The following CSMD1 variants were observed in gnomAD, a reference collection of about 807,000 sequenced individuals.
CSMD1 encodes CUB and Sushi multiple domains 1.
In CSMD1, 213 loss-of-function variants were observed where a neutral mutation model predicts 417.5. That is an observed-to-expected ratio of 0.51 (90% CI 0.46 to 0.57). The LOEUF (loss-of-function observed/expected upper bound fraction) is 0.57. Among genes scored for constraint, CSMD1 ranks in the 20% least tolerant of loss-of-function variants. The pLI, the probability that CSMD1 is intolerant of heterozygous loss-of-function variation, is 0.00. For synonymous variants in CSMD1, 2,862 were observed against 1,736.8 expected (o/e 1.65, Z -16.11); for missense variants, 6,923 against 4,529.7 (o/e 1.53, Z -15.17).
chr8:3,320,084 G>T (rs1806054142), intron 23 of CSMD1, among the ~76,000 whole-genome samples: 1 of 152,164 alleles, frequency 6.6e-6, no homozygotes, highest in Non-Finnish European at 1.5e-5. Context: ...GCTGCCACCA[G>T]CGCACACAGA....
intron 44 of CSMD1, among the ~76,000 whole-genome samples, chr8:3,108,168 G>A (rs542654094): frequency 1.3e-5 from 2 of 152,272 alleles, no homozygotes; most frequent in Non-Finnish European, 2.9e-5. Flanking sequence ...AATTCTGTAG[G>A]TGGCAGTGTT....
chr8:4,452,585 G>A (rs1271615518), intron 2 of CSMD1, among the ~76,000 whole-genome samples: 1 of 152,110 alleles, frequency 6.6e-6, no homozygotes, highest in Non-Finnish European at 1.5e-5. Flanking sequence ...TTAAACATCA[G>A]AAAACCGGTA....
intron 3 of CSMD1, among the ~76,000 whole-genome samples, chr8:4,255,812 G>A (rs1218427074): frequency 3.3e-5 from 5 of 152,178 alleles, no homozygotes; most frequent in East Asian, 1.9e-4. Flanking sequence ...CTCCTCTGGG[G>A]CACTGGCTGG....
At chr8:4,580,846 T>C (rs368136421) in intron 2 of CSMD1, among the ~76,000 whole-genome samples, 1 of 152,364 alleles carries the variant, frequency 6.6e-6, no homozygotes, top group East Asian at 1.9e-4. Flanking sequence ...CGCTTCATAC[T>C]GGATTGTAAA....
intron 5 of CSMD1, among the ~76,000 whole-genome samples, chr8:3,920,015 C>T (rs1325322589): frequency 6.6e-6 from 1 of 151,624 alleles, no homozygotes; most frequent in African/African-American, 2.4e-5. Flanking sequence ...TTAGGATTTA[C>T]CAAATTTGTT....
At chr8:3,497,463 G>A (rs1448482808) in intron 10 of CSMD1, among the ~76,000 whole-genome samples, 1 of 152,102 alleles carries the variant, frequency 6.6e-6, no homozygotes, top group East Asian at 1.9e-4. Context: ...CTGGAGTGCA[G>A]TGGTGCAATC....
chr8:4,257,071 T>A (rs564922074), intron 3 of CSMD1, among the ~76,000 whole-genome samples: 1 of 152,160 alleles, frequency 6.6e-6, no homozygotes, highest in South Asian at 2.1e-4. Context: ...AAATTGACAG[T>A]CTCTTCTTAG....
At chr8:3,122,003 C>T (rs1049595359) in intron 41 of CSMD1, among the ~76,000 whole-genome samples, 6 of 151,920 alleles carry the variant, frequency 3.9e-5, no homozygotes, top group African/African-American at 9.7e-5. Flanking sequence ...AATGTAATTG[C>T]GGTTTTTGCC....
chr8:3,111,248 A>G (rs560376870), intron 42 of CSMD1, among the ~76,000 whole-genome samples: 9 of 152,222 alleles, frequency 5.9e-5, no homozygotes, highest in African/African-American at 1.2e-4. Context: ...ACAAATGAGA[A>G]TATACCATGA....
chr8:3,580,982 C>G (rs1800358191), intron 9 of CSMD1, among the ~76,000 whole-genome samples: 1 of 152,210 alleles, frequency 6.6e-6, no homozygotes, highest in South Asian at 2.1e-4. Flanking sequence ...TATTCCCTGA[C>G]TCTGCCTGGC....
At position 3,241,859 on chromosome 8, in the gene CSMD1, C is replaced by T. The variant is rs191889550; in HGVS notation, c.4154-11628G>A. Reference sequence around the variant, plus strand: ...ATTCTATTATTGTACACCTTGAAGGCGACGTTAATTAAGTCCTGTTGTGGG... The same window carrying T: ...ATTCTATTATTGTACACCTTGAAGGTGACGTTAATTAAGTCCTGTTGTGGG... On this transcript the variant is annotated intron_variant, in intron 26 of 69. Coordinates refer to ENST00000635120, the MANE Select transcript of CSMD1 (RefSeq NM_033225.6). Among the ~76,000 whole-genome samples, 538 of 151,966 alleles carry T rather than the reference C, an allele frequency of 3.5e-3. 5 individuals are homozygous for T. Among genetic ancestry groups the T allele is most frequent in the African/African-American group, 0.012 (509 of 41,410 alleles).
intron 2 of CSMD1, among the ~76,000 whole-genome samples, chr8:4,441,833 A>T (rs1798501736): frequency 6.6e-6 from 1 of 152,206 alleles, no homozygotes; most frequent in Admixed American, 6.5e-5. Context: ...AAGTTTGAGT[A>T]ATAAAAGCAT....
At chr8:4,007,081 A>C (rs1178359265) in intron 4 of CSMD1, among the ~76,000 whole-genome samples, 1 of 152,012 alleles carries the variant, frequency 6.6e-6, no homozygotes, top group East Asian at 1.9e-4. Flanking sequence ...TTCGTGATCC[A>C]GCCACCTCGG....
At chr8:3,224,931 T>A (rs1174557797) in intron 27 of CSMD1, among the ~76,000 whole-genome samples, 1 of 152,244 alleles carries the variant, frequency 6.6e-6, no homozygotes, top group East Asian at 1.9e-4. Flanking sequence ...TTATATCAAA[T>A]ACTGTGGTTT....
intron 5 of CSMD1, among the ~76,000 whole-genome samples, chr8:3,896,187 A>G (rs1196822729): frequency 6.6e-6 from 1 of 152,216 alleles, no homozygotes; most frequent in Non-Finnish European, 1.5e-5. Context: ...AACATGATCT[A>G]GAGCCCTGTG....
intron 26 of CSMD1, among the ~76,000 whole-genome samples, chr8:3,270,444 A>C (rs952139931): frequency 6.6e-6 from 1 of 152,218 alleles, no homozygotes; most frequent in African/African-American, 2.4e-5. Context: ...AAGAAAATTT[A>C]CCAGGTGATA....
chr8:3,941,149 A>C (rs1485001914), intron 5 of CSMD1, among the ~76,000 whole-genome samples: 1 of 152,132 alleles, frequency 6.6e-6, no homozygotes, highest in African/African-American at 2.4e-5. Context: ...GAAGAAATAA[A>C]AGCACATTTC....
At chr8:4,744,418 A>G (rs545207011) in intron 1 of CSMD1, among the ~76,000 whole-genome samples, 1 of 152,274 alleles carries the variant, frequency 6.6e-6, no homozygotes, top group African/African-American at 2.4e-5. Flanking sequence ...CCTGCGCAGG[A>G]CACAGCTTCC....
intron 41 of CSMD1, among the ~76,000 whole-genome samples, chr8:3,140,108 C>T (rs138023834): frequency 4.6e-5 from 7 of 152,074 alleles, no homozygotes; most frequent in East Asian, 1.9e-4. Flanking sequence ...TTCACCATAT[C>T]GGCCAGGTTG....
Sources: allele counts gnomAD v4.1 joint callset (sites outside exome capture counted in the v4.1 genomes callset), GRCh38; gene constraint gnomAD v4.1.1; transcripts MANE v1.5; gene names NCBI Gene and HGNC (gene_info 2026-07-23, HGNC 2026-07-21).